The following CDIN1 variants were observed in gnomAD, a reference collection of about 807,000 sequenced individuals.
CDIN1 encodes CDAN1-interacting nuclease 1.
In CDIN1, 33 loss-of-function variants were observed where a neutral mutation model predicts 45.3. That is an observed-to-expected ratio of 0.73 (90% CI 0.55 to 0.97). The LOEUF (loss-of-function observed/expected upper bound fraction) is 0.97. CDIN1 is among the 50% of genes least tolerant of loss of function. The probability of loss-of-function intolerance (pLI) is 0.00; values close to 1 mark genes in which losing one functional copy is unlikely to be tolerated. For synonymous variants in CDIN1, 118 were observed against 124.4 expected, an observed-to-expected ratio of 0.95 and a Z score of 0.34; for missense variants, 303 against 339.4, an observed-to-expected ratio of 0.89 and a Z score of 0.84.
chr15:36,708,607 A>T (rs1258263193), intron 8 of CDIN1: 1 of 152,034 alleles, frequency 6.6e-6, no homozygotes, highest in Non-Finnish European at 1.5e-5. Flanking sequence ...AGGAAAAAAA[A>T]TCTTAAAGCC....
chr15:36,613,900 A>G (rs1388314688), intron 1 of CDIN1: 1 of 1,556,050 alleles, frequency 6.4e-7, no homozygotes, highest in African/African-American at 1.4e-5. Context: ...TGGAACGCAC[A>G]GAGAATGAGC....
At chr15:36,714,437 G>A (rs2043154925) in intron 10 of CDIN1, among the ~76,000 whole-genome samples, 2 of 152,156 alleles carry the variant, frequency 1.3e-5, no homozygotes, top group East Asian at 3.9e-4. Flanking sequence ...AGGGTTGCAT[G>A]AAACTGGGCC....
At chr15:36,751,228 TTTATATATATA>T (rs1418270866) in intron 10 of CDIN1, among the ~76,000 whole-genome samples, 3 of 65,900 alleles carry the variant, frequency 4.6e-5, no homozygotes, top group East Asian at 5.8e-4. Flanking sequence ...ATATGCTTAT[TTTATATATATA>T]TATATATATA....
At chr15:36,647,173 A>G (rs2040367968) in intron 3 of CDIN1, among the ~76,000 whole-genome samples, 1 of 151,390 alleles carries the variant, frequency 6.6e-6, no homozygotes, top group Admixed American at 6.6e-5. Context: ...ACAGGTGCAC[A>G]CCACCATGGC....
chr15:36,596,174 GA>G (rs11325536), intron 1 of CDIN1, among the ~76,000 whole-genome samples: 29,841 of 112,844 alleles, frequency 0.26, 3,272 homozygotes, highest in East Asian at 0.39. Context: ...TTGTTGATGT[GA>G]AAAAAAAAAG....
At chr15:36,745,238 AT>A (rs59824500) in intron 10 of CDIN1, among the ~76,000 whole-genome samples, 8,575 of 152,256 alleles carry the variant, frequency 0.056, 816 homozygotes, top group African/African-American at 0.2. Flanking sequence ...TTCATTTGTT[AT>A]CAGCCCAGGA....
chr15:36,588,566 A>C (rs1308296878), intron 1 of CDIN1, among the ~76,000 whole-genome samples: 1 of 152,214 alleles, frequency 6.6e-6, no homozygotes, highest in Non-Finnish European at 1.5e-5. Flanking sequence ...TCATACACCC[A>C]GGAAGGATAT....
At chr15:36,585,995 A>G (rs984102387) in intron 1 of CDIN1, among the ~76,000 whole-genome samples, 1 of 152,152 alleles carries the variant, frequency 6.6e-6, no homozygotes, top group Non-Finnish European at 1.5e-5. Context: ...CTCTTTTATC[A>G]TGAGCTCATT....
intron 10 of CDIN1, among the ~76,000 whole-genome samples, chr15:36,789,908 C>T (rs991521927): frequency 1.1e-4 from 16 of 152,266 alleles, no homozygotes; most frequent in South Asian, 8.3e-4. Context: ...TAAAAGAATT[C>T]GCCTTTCAAA....
intron 3 of CDIN1, among the ~76,000 whole-genome samples, chr15:36,649,343 A>G (rs1488696652): frequency 6.6e-6 from 1 of 152,204 alleles, no homozygotes; most frequent in African/African-American, 2.4e-5. Context: ...TGCAATTGGG[A>G]TATAAGGATG....
intron 10 of CDIN1, among the ~76,000 whole-genome samples, chr15:36,712,283 T>TTG (rs386382724): frequency 6.9e-6 from 1 of 145,810 alleles, no homozygotes; most frequent in Non-Finnish European, 1.5e-5. Flanking sequence ...TTTTTTTTTT[T>TTG]GAGATGGAGT....
At chr15:36,618,633 T>C (rs1366346751) in intron 1 of CDIN1, 2 of 823,392 alleles carry the variant, frequency 2.4e-6, no homozygotes, top group Admixed American at 1.7e-5. Context: ...AAAAGGATAA[T>C]GAAGTGTTGA....
intron 1 of CDIN1, chr15:36,618,672 G>A (rs1269370405): frequency 4.9e-6 from 4 of 813,010 alleles, no homozygotes; most frequent in African/African-American, 1.7e-5. Context: ...CTGCAGATGA[G>A]CAGACAGAAT....
chr15:36,738,712 C>T (rs1314754799), intron 10 of CDIN1, among the ~76,000 whole-genome samples: 1 of 152,178 alleles, frequency 6.6e-6, no homozygotes, highest in Admixed American at 6.5e-5. Flanking sequence ...TAATCTGACC[C>T]CCCCAACAGC....
At chr15:36,702,247 G>T in intron 8 of CDIN1, 1 of 649,890 alleles carries the variant, frequency 1.5e-6, no homozygotes, top group Non-Finnish European at 2.8e-6. Context: ...GAAATTGAGG[G>T]TGGGAGGTGG....
At chr15:36,773,245 G>T (rs755580665) in intron 10 of CDIN1, among the ~76,000 whole-genome samples, 5 of 152,102 alleles carry the variant, frequency 3.3e-5, no homozygotes, top group Non-Finnish European at 7.3e-5. Context: ...AGGATCTAGG[G>T]CTATTGGTCC....
chr15:36,740,173 A>C (rs1023840480), intron 10 of CDIN1, among the ~76,000 whole-genome samples: 5 of 152,176 alleles, frequency 3.3e-5, no homozygotes, highest in African/African-American at 1.2e-4. Context: ...TTAAGCCTAC[A>C]TTTCTTAAAC....
At chr15:36,645,365 T>C (rs1268966151) in intron 3 of CDIN1, 78 bp downstream of exon 3, 9 of 1,196,384 alleles carry the variant, frequency 7.5e-6, no homozygotes, top group Non-Finnish European at 1.1e-5. Flanking sequence ...GTTAGGTTAT[T>C]AATTTTCTAT....
At chr15:36,788,674 A>T in intron 10 of CDIN1, among the ~76,000 whole-genome samples, 1 of 151,264 alleles carries the variant, frequency 6.6e-6, no homozygotes, top group Middle Eastern at 3.4e-3. Context: ...TATTTTAATA[A>T]TGCTTAGCAA....
Sources: allele counts gnomAD v4.1 joint callset (sites outside exome capture counted in the v4.1 genomes callset), GRCh38; gene constraint gnomAD v4.1.1; transcripts MANE v1.5; gene names NCBI Gene and HGNC (gene_info 2026-07-23, HGNC 2026-07-21).